FBXO38: variants seen among roughly 807,000 people sequenced by gnomAD.
The protein encoded by FBXO38 is F-box protein 38.
Under a neutral mutation model 131.9 loss-of-function variants are expected in FBXO38, and 53 were observed. That is an observed-to-expected ratio of 0.40 (90% CI 0.32 to 0.51). The LOEUF is 0.51. Among genes scored for constraint, FBXO38 ranks in the 20% least tolerant of loss-of-function variants. The pLI, the probability that FBXO38 is intolerant of heterozygous loss-of-function variation, is 0.53. For missense variants in FBXO38, 1,076 were observed against 1,475.6 expected (o/e 0.73, Z 4.44); for synonymous variants, 452 against 505.6 (o/e 0.89, Z 1.42).
intron 10 of FBXO38, among the ~76,000 whole-genome samples, chr5:148,415,145 A>T (rs1024770325): frequency 5.9e-5 from 9 of 152,184 alleles, no homozygotes; most frequent in Admixed American, 4.6e-4. Flanking sequence ...CCAAGAAGTT[A>T]TTGGGAAATA....
intron 17 of FBXO38, among the ~76,000 whole-genome samples, chr5:148,435,937 A>G (rs1201015929): frequency 6.6e-6 from 1 of 152,132 alleles, no homozygotes; most frequent in Non-Finnish European, 1.5e-5. Context: ...CTGTTGGGAG[A>G]GCAGTCAGGA....
intron 12 of FBXO38, among the ~76,000 whole-genome samples, chr5:148,422,380 C>T (rs1465380039): frequency 1.3e-5 from 2 of 152,112 alleles, no homozygotes; most frequent in East Asian, 3.9e-4. Context: ...ATGGCTGGCT[C>T]CTTCTTGACT....
intron 5 of FBXO38, among the ~76,000 whole-genome samples, chr5:148,403,988 A>G (rs893818908): frequency 6.6e-5 from 10 of 151,932 alleles, no homozygotes; most frequent in Admixed American, 5.2e-4. Flanking sequence ...TCTTCTGGTC[A>G]TGGTCCTCTG....
chr5:148,430,129 AAATTAT>A (rs1303883054), intron 15 of FBXO38: 6 of 145,960 alleles, frequency 4.1e-5, no homozygotes, highest in Admixed American at 1.4e-4. Flanking sequence ...GGTAGCTTAC[AAATTAT>A]AATTATAATT....
Position 148,414,215 on chromosome 5 carries a change from G to A in FBXO38, c.1173G>A (p.Gly391=), listed in dbSNP as rs760043800. 2 of 1,612,922 alleles carry A rather than the reference G, an allele frequency of 1.2e-6. No individual in the cohort carries two copies. The highest frequency in any genetic ancestry group is 8.5e-7 in the Non-Finnish European group (1 of 1,179,464). Residue 391 remains glycine, a synonymous_variant, in exon 10 of 22, where the codon GGG becomes GGA. Transcript: ENST00000340253. ...VENPGIITDI[G]MKAVNEVFSC... Reference sequence around the variant, plus strand: ...ATCCTGGTATCATCACTGATATAGGGATGAAAGCAGTCAATGAAGTTTTTT... The same window carrying A: ...ATCCTGGTATCATCACTGATATAGGAATGAAAGCAGTCAATGAAGTTTTTT...
chr5:148,389,226 G>A (rs780105229), intron 1 of FBXO38, among the ~76,000 whole-genome samples: 6 of 152,116 alleles, frequency 3.9e-5, no homozygotes, highest in Admixed American at 2.0e-4. Context: ...ATAGATCACC[G>A]TAACACATAT....
At chr5:148,391,871 T>A (rs1333973277) in intron 1 of FBXO38, among the ~76,000 whole-genome samples, 1 of 152,246 alleles carries the variant, frequency 6.6e-6, no homozygotes, top group African/African-American at 2.4e-5. Flanking sequence ...TATTTTGTTG[T>A]CTTCTTTCAT....
chr5:148,389,952 C>T (rs1758112938), intron 1 of FBXO38: 1 of 152,176 alleles, frequency 6.6e-6, no homozygotes, highest in Admixed American at 6.6e-5. Context: ...TTTCTTCAAC[C>T]CAGGAGGCAG....
chr5:148,406,750 T>C (rs751621253), intron 7 of FBXO38, among the ~76,000 whole-genome samples: 1 of 152,082 alleles, frequency 6.6e-6, no homozygotes, highest in Non-Finnish European at 1.5e-5. Context: ...CAGCCGAGGC[T>C]TCCAAAAAAA....
chr5:148,387,786 G>A (rs1757993184), intron 1 of FBXO38, among the ~76,000 whole-genome samples: 1 of 148,624 alleles, frequency 6.7e-6, no homozygotes, highest in African/African-American at 2.5e-5. Flanking sequence ...CTGACACCCT[G>A]GTTCAAGCAA....
At chr5:148,416,901 TTATAA>T in intron 11 of FBXO38, 88 bp from the exon 12 acceptor site, 1 of 737,650 alleles carries the variant, frequency 1.4e-6, no homozygotes, top group Non-Finnish European at 2.4e-6. Context: ...TAAATATTAG[TTATAA>T]TGTAAAGGTG....
rs529130458 is a variant in FBXO38, at chr5:148,441,863, C to T, written c.3389-106C>T. ...CCTTGACCTATTCATGCATCAGTTA[C>T]ATTATAGTGCAGTATATGGGACTGT... On this transcript the variant is annotated intron_variant, in intron 21 of 21. Coordinates refer to ENST00000340253, the MANE Select transcript of FBXO38 (RefSeq NM_205836.3). 1.7e-4 allele frequency: 144 copies of T among 833,200 alleles called. 1 individual carries two copies. The African/African-American group carries it at 2.3e-3, about 13-fold the overall frequency. 51.6% of individuals were successfully genotyped at this position (833,200 alleles called of 1,614,324 possible).
chr5:148,434,788 C>T (rs2113652168), intron 17 of FBXO38: 1 of 152,188 alleles, frequency 6.6e-6, no homozygotes, highest in East Asian at 1.9e-4. Context: ...CTTTACGTGC[C>T]TTAATTTAAA....
At chr5:148,395,253 G>A (rs1311204760) in intron 2 of FBXO38, among the ~76,000 whole-genome samples, 1 of 152,080 alleles carries the variant, frequency 6.6e-6, no homozygotes, top group Non-Finnish European at 1.5e-5. Flanking sequence ...TAACAGTACT[G>A]TGTGTTTACA....
At chr5:148,392,221 C>A (rs529681914) in intron 1 of FBXO38, among the ~76,000 whole-genome samples, 1 of 151,902 alleles carries the variant, frequency 6.6e-6, no homozygotes, top group South Asian at 2.1e-4. Flanking sequence ...TAATGGAGTC[C>A]CAAAAGGTAA....
intron 1 of FBXO38, among the ~76,000 whole-genome samples, chr5:148,388,026 TGAAAG>T (rs1758007320): frequency 6.6e-6 from 1 of 152,106 alleles, no homozygotes. Context: ...ACTTGAAAGT[TGAAAG>T]TTCTTGATCT....
At chr5:148,392,706 A>G (rs995617101) in intron 1 of FBXO38, among the ~76,000 whole-genome samples, 9 of 151,832 alleles carry the variant, frequency 5.9e-5, no homozygotes, top group African/African-American at 2.2e-4. Flanking sequence ...GAGACTGAGC[A>G]GTGGTCATAG....
Position 148,395,382 on chromosome 5 carries a change from G to A in FBXO38, c.128+478G>A, listed in dbSNP as rs567907878. 4.6e-5 allele frequency among the ~76,000 whole-genome samples: 7 copies of A among 152,028 alleles called. 1 individual carries two copies. The highest frequency in any genetic ancestry group is 3.3e-4 in the Admixed American group (5 of 15,254). Reference sequence around the variant, plus strand: ...ATAATACCCATCATAACTAAATGCAGTGCATACATTAAAGTTGTTTTATGA... The same window carrying A: ...ATAATACCCATCATAACTAAATGCAATGCATACATTAAAGTTGTTTTATGA... On this transcript the variant is annotated intron_variant, in intron 2 of 21. Coordinates refer to ENST00000340253, the MANE Select transcript of FBXO38 (RefSeq NM_205836.3).
At chr5:148,433,867 T>G in intron 17 of FBXO38, 130 bp downstream of exon 17, 2 of 527,714 alleles carry the variant, frequency 3.8e-6, no homozygotes, top group South Asian at 6.9e-5. Flanking sequence ...TATCTTTAGT[T>G]CCGCCTTTGT....
Sources: gnomAD v4.1 joint callset for allele counts (sites outside exome capture counted in the v4.1 genomes callset) on GRCh38, gnomAD v4.1.1 for gene constraint, MANE v1.5 for transcripts, NCBI Gene and HGNC (gene_info 2026-07-23, HGNC 2026-07-21) for gene names.